Variants in SMG1 observed in about 807,000 individuals in gnomAD.
The protein encoded by SMG1 is SMG1 nonsense mediated mRNA decay associated PI3K related kinase, also known as serine/threonine-protein kinase SMG1.
A neutral mutation model predicts 419.9 loss-of-function variants in SMG1; 22 were observed. The observed-to-expected ratio is 0.05, with a 90% CI of 0.04 to 0.07. The LOEUF (loss-of-function observed/expected upper bound fraction) is 0.07, where lower values mean the gene tolerates loss of function less well. Ranked by LOEUF, SMG1 falls within the 10% of genes least tolerant of loss-of-function variation. The pLI is 1.00. For missense variants in SMG1, 3,185 were observed against 4,342.0 expected (o/e 0.73, Z 7.49); for synonymous variants, 1,538 against 1,553.5 (o/e 0.99, Z 0.23).
At chr16:18,860,437 T>C (rs2035154357) in intron 26 of SMG1, among the ~76,000 whole-genome samples, 1 of 152,116 alleles carries the variant, frequency 6.6e-6, no homozygotes, top group South Asian at 2.1e-4. Context: ...AATGGCTAGA[T>C]AAATCTCAAA....
chr16:18,832,488 C>T (rs2033256691), intron 51 of SMG1, among the ~76,000 whole-genome samples: 2 of 152,072 alleles, frequency 1.3e-5, no homozygotes, highest in African/African-American at 2.4e-5. Context: ...TACAAGATGG[C>T]TTAAAAATAT....
At chr16:18,876,528 A>C in intron 12 of SMG1, 135 bp from the exon 13 acceptor site, 1 of 1,188,634 alleles carries the variant, frequency 8.4e-7, no homozygotes, top group Non-Finnish European at 1.2e-6. Flanking sequence ...TGTCCGTAGC[A>C]CTTAATATTT....
chr16:18,899,244 T>A (rs1296131679), intron 1 of SMG1, among the ~76,000 whole-genome samples: 1 of 152,112 alleles, frequency 6.6e-6, no homozygotes, highest in African/African-American at 2.4e-5. Context: ...CTACGAAGCA[T>A]CTGATTTCAA....
At position 18,887,691 on chromosome 16, in the gene SMG1, A is replaced by G. The variant is rs1235276313; in HGVS notation, c.822+1681T>C. ...TTTATTTAAAAAAAAAAAAAAAAAA[A>G]AAAGAACATTCCTTATATTTCCTTT... On this transcript the variant is annotated intron_variant, in intron 6 of 62. Coordinates refer to ENST00000446231, the MANE Select transcript of SMG1 (RefSeq NM_015092.5). Among the ~76,000 whole-genome samples, 1,208 of 123,242 alleles carry G rather than the reference A, an allele frequency of 9.8e-3. 44 individuals carry two copies. Among genetic ancestry groups the G allele is most frequent in the African/African-American group, 0.033 (1,160 of 35,312 alleles). The allele number at this position is 123,242 out of a possible 152,430, so 80.9% of individuals were successfully genotyped here.
intron 55 of SMG1, among the ~76,000 whole-genome samples, chr16:18,821,123 T>A (rs1024366548): frequency 1.3e-5 from 2 of 151,836 alleles, no homozygotes; most frequent in Admixed American, 1.3e-4. Flanking sequence ...CAAAACAAAT[T>A]CAGTATTCAA....
chr16:18,832,588 A>G (rs867455502), intron 51 of SMG1, among the ~76,000 whole-genome samples: 2,875 of 147,756 alleles, frequency 0.019, 68 homozygotes, highest in Admixed American at 0.075. Context: ...ACTTGCACAC[A>G]CACACACACA....
intron 41 of SMG1, among the ~76,000 whole-genome samples, chr16:18,840,303 C>G (rs1234815225): frequency 6.6e-6 from 1 of 152,194 alleles, no homozygotes; most frequent in East Asian, 1.9e-4. Context: ...TCTTCACACA[C>G]AACTTAATCG....
Position 18,872,258 on chromosome 16 carries a change from T to G in SMG1, c.2109A>C (p.Thr703=). ...GAVISTVTTA[T]KKHFSIILNL... is the part of the protein sequence containing the mutation. Reference sequence around the variant, plus strand: ...TTAATATAATTGAGAAATGTTTCTTTGTAGCCGTAGTTACAGTGCTAATCA... The same window carrying G: ...TTAATATAATTGAGAAATGTTTCTTGGTAGCCGTAGTTACAGTGCTAATCA... Residue 703 remains threonine, a synonymous_variant, in exon 15 of 63, where the codon ACA becomes ACC. Coordinates refer to ENST00000446231, the MANE Select transcript of SMG1 (RefSeq NM_015092.5). The G allele has an allele frequency of 6.3e-7, 1 of 1,595,580 alleles. No homozygotes were observed.
At chr16:18,864,813 T>C (rs917847323) in intron 23 of SMG1, among the ~76,000 whole-genome samples, 4 of 151,564 alleles carry the variant, frequency 2.6e-5, no homozygotes, top group Admixed American at 6.6e-5. Flanking sequence ...ATATCTCATT[T>C]CCCCCCTCCC....
At chr16:18,897,070 T>C in intron 1 of SMG1, 114 bp from the exon 2 acceptor site, 2 of 672,628 alleles carry the variant, frequency 3.0e-6, no homozygotes, top group Non-Finnish European at 5.0e-6. Flanking sequence ...TTTAGTGTAA[T>C]ATGTACTATA....
intron 55 of SMG1, 107 bp from the exon 56 acceptor site, chr16:18,819,761 A>AC: frequency 1.7e-6 from 2 of 1,149,224 alleles, no homozygotes; most frequent in Non-Finnish European, 2.3e-6. Flanking sequence ...CAGGGTGGAC[A>AC]CATGTAATTT....
intron 1 of SMG1, among the ~76,000 whole-genome samples, chr16:18,924,065 A>G (rs1404142399): frequency 2.6e-5 from 4 of 152,186 alleles, no homozygotes; most frequent in Non-Finnish European, 5.9e-5. Context: ...AACCAAATGT[A>G]TATCACAGTA....
rs898876474 is a variant in SMG1 at position 18,859,651 on chromosome 16, C to T, written c.3858G>A (p.Gln1286=). Residue 1286 remains glutamine (Q), a synonymous_variant, in exon 27 of 63, where the codon CAG becomes CAA. Transcript: ENST00000446231. The part of the protein sequence containing the change: ...NMLSPDPREL[Q]KSIEVQLLRS... ...TTAACAATTGAACTTCAATGGATTT[C>T]TGAAGTTCCCTCGGATCCGGACTTA... 8.1e-6 allele frequency: 13 copies of T among 1,613,398 alleles called. No homozygotes were observed. Among genetic ancestry groups the T allele is most frequent in the Non-Finnish European group, 1.0e-5 (12 of 1,179,524 alleles).
intron 41 of SMG1, among the ~76,000 whole-genome samples, chr16:18,840,833 A>T (rs1373288075): frequency 6.6e-6 from 1 of 152,214 alleles, no homozygotes; most frequent in Admixed American, 6.5e-5. Context: ...ATGAACAACC[A>T]CACATTCCCC....
chr16:18,884,198 TA>T (rs780480397), intron 8 of SMG1, 31 bp from the exon 9 acceptor site: 1 of 1,181,674 alleles, frequency 8.5e-7, no homozygotes, highest in Non-Finnish European at 1.2e-6. Context: ...TGTGAAAGGG[TA>T]GGGGGGAAAA....
chr16:18,890,241 A>G (rs2036817146), intron 5 of SMG1, among the ~76,000 whole-genome samples: 1 of 152,206 alleles, frequency 6.6e-6, no homozygotes, highest in South Asian at 2.1e-4. Flanking sequence ...CAAATTCTCT[A>G]GTTTACAAAA....
Position 18,925,965 on chromosome 16 carries a change from T to C in SMG1, c.77A>G (p.Asn26Ser). Residue 26 changes from asparagine (N) to serine (S), a missense_variant, in exon 1 of 63, where the codon AAT becomes AGT. Physicochemically the swap from Asn to Ser is conservative, Grantham distance 46 (BLOSUM62 1). Coordinates refer to ENST00000446231, the MANE Select transcript of SMG1 (RefSeq NM_015092.5). ...GGTCACCCACCTGGGTTGCCAGTCA[T>C]TCCAGCTCCGCGGATACTTGGTGCC... ...GGGTKYPRSWNDWQPRTDSAS... is the reference protein window; with the variant it reads ...GGGTKYPRSWSDWQPRTDSAS... 2 of 1,571,202 alleles carry C rather than the reference T, an allele frequency of 1.3e-6. No individual in the cohort carries two copies. The highest frequency in any genetic ancestry group is 1.7e-6 in the Non-Finnish European group (2 of 1,164,874).
chr16:18,867,443 G>C (rs1407237321), intron 22 of SMG1, among the ~76,000 whole-genome samples: 1 of 151,632 alleles, frequency 6.6e-6, no homozygotes, highest in African/African-American at 2.4e-5. Flanking sequence ...GAAGAGGCTT[G>C]AACCTGAGAG....
At chr16:18,862,094 CCTCAAG>C (rs747128710) in intron 25 of SMG1, among the ~76,000 whole-genome samples, 5 of 152,140 alleles carry the variant, frequency 3.3e-5, no homozygotes, top group Non-Finnish European at 7.4e-5. Flanking sequence ...AAATAACTTA[CCTCAAG>C]CTTTTCATTT....
Sources: gnomAD v4.1 joint callset for allele counts (sites outside exome capture counted in the v4.1 genomes callset) on GRCh38, gnomAD v4.1.1 for gene constraint, MANE v1.5 for transcripts, NCBI Gene and HGNC (gene_info 2026-07-23, HGNC 2026-07-21) for gene names.